The following ATF3 variants were observed in gnomAD, a reference collection of about 807,000 sequenced individuals.
ATF3 encodes cyclic AMP-dependent transcription factor ATF-3.
In ATF3, 10 loss-of-function variants were observed where a neutral mutation model predicts 18.4. The ratio of observed to expected loss-of-function variants is 0.54; its 90% CI spans 0.34 to 0.92. The LOEUF is 0.92. ATF3 is among the 40% of genes least tolerant of loss of function. ATF3 has a pLI of 0.02. For missense variants in ATF3, 183 were observed against 222.3 expected (o/e 0.82, Z 1.12); for synonymous variants, 78 against 87.9 (o/e 0.89, Z 0.63).
At chr1:212,577,804 C>A (rs1185267671) in intron 1 of ATF3, among the ~76,000 whole-genome samples, 1 of 152,188 alleles carries the variant, frequency 6.6e-6, no homozygotes, top group South Asian at 2.1e-4. Flanking sequence ...ACATATACCA[C>A]ATTTTCTCTA....
chr1:212,590,686 T>C (rs768488628), intron 1 of ATF3, among the ~76,000 whole-genome samples: 1 of 152,232 alleles, frequency 6.6e-6, no homozygotes, highest in Non-Finnish European at 1.5e-5. Context: ...TAAATGCGGA[T>C]ACTCATTTTG....
In ATF3 at chr1:212,569,760, T is replaced by C. The variant is rs1664446947; in HGVS notation, c.-5+4277T>C. On this transcript the variant is annotated intron_variant, in intron 1 of 3. Transcript: ENST00000366981. ...TAGTTTACCTTACTAATACTCTATG[T>C]TAAACATTTGGGTAATATCTGATTC... Among the ~76,000 whole-genome samples, 5 of 152,182 alleles carry C rather than the reference T, an allele frequency of 3.3e-5. No individual in the cohort carries two copies. In the South Asian group the frequency reaches 1.0e-3, roughly 32 times the overall value.
rs553197681 is a variant in ATF3 at position 212,584,554 on chromosome 1, T to C, written c.-5+19071T>C. Among the ~76,000 whole-genome samples, 49 of 152,238 alleles carry C rather than the reference T, an allele frequency of 3.2e-4. 1 individual carries two copies. The South Asian group carries it at 9.7e-3, about 30-fold the overall frequency. On this transcript the variant is annotated intron_variant, in intron 1 of 3. Transcript: ENST00000366981. ...TACCTTTTACTCAGCCTTTTTGCTG[T>C]CTTCAGGACTTCAGACAACTGGATG... is the stretch of plus-strand genomic sequence containing the variant.
At chr1:212,593,478 T>C (rs1228449954) in intron 1 of ATF3, among the ~76,000 whole-genome samples, 1 of 151,962 alleles carries the variant, frequency 6.6e-6, no homozygotes, top group Non-Finnish European at 1.5e-5. Flanking sequence ...CTCATACCTG[T>C]AACCATAGCA....
At chr1:212,604,267 TC>T (rs1654563839), upstream of ATF3, among the ~76,000 whole-genome samples, 1 of 152,304 alleles carries the variant, frequency 6.6e-6, no homozygotes, top group South Asian at 2.1e-4. Context: ...TGTGGATGAA[TC>T]CCCGGTCTCC....
rs57512671 is a variant in ATF3 at position 212,576,721 on chromosome 1, C to CTTTTTTTTTTTTTTTTTT, written c.-5+11245_-5+11262dup. Among the ~76,000 whole-genome samples the CTTTTTTTTTTTTTTTTTT allele has an allele frequency of 5.6e-4, 32 of 57,304 alleles. 2 individuals carry two copies. Among genetic ancestry groups the CTTTTTTTTTTTTTTTTTT allele is most frequent in the African/African-American group, 1.2e-3 (16 of 12,994 alleles). The allele number at this position is 57,304 out of a possible 152,430, so 37.6% of individuals were successfully genotyped here. ...AAAAAATATTCTTTTCTTTTCTTTT[C>CTTTTTTTTTTTTTTTTTT]TTTTTTTTTTTTTTTTTTTTTTTTG... On this transcript the variant is annotated intron_variant, in intron 1 of 3. Coordinates refer to the ATF3 transcript ENST00000366981.
At chr1:212,582,237 AC>A (rs773789960) in intron 1 of ATF3, among the ~76,000 whole-genome samples, 1 of 152,206 alleles carries the variant, frequency 6.6e-6, no homozygotes, top group Non-Finnish European at 1.5e-5. Context: ...TTATCTGGCA[AC>A]CCTTCCCACC....
chr1:212,599,196 C>T (rs1274729628), intron 1 of ATF3, among the ~76,000 whole-genome samples: 3 of 152,202 alleles, frequency 2.0e-5, no homozygotes, highest in African/African-American at 7.2e-5. Context: ...TTAAAACCCA[C>T]ATTATCTCTA....
intron 1 of ATF3, among the ~76,000 whole-genome samples, chr1:212,591,329 T>G (rs1470727473): frequency 6.6e-6 from 1 of 152,222 alleles, no homozygotes; most frequent in Non-Finnish European, 1.5e-5. Flanking sequence ...ATTCAACAAC[T>G]GCCACCAGGC....
chr1:212,569,565 G>A (rs1664443730), intron 1 of ATF3, among the ~76,000 whole-genome samples: 1 of 152,068 alleles, frequency 6.6e-6, no homozygotes, highest in Non-Finnish European at 1.5e-5. Flanking sequence ...AGACGCAGGG[G>A]AAAGAGCTAG....
intron 1 of ATF3, among the ~76,000 whole-genome samples, chr1:212,597,862 C>T (rs1265200991): frequency 6.6e-6 from 1 of 152,318 alleles, no homozygotes; most frequent in East Asian, 1.9e-4. Flanking sequence ...ATTCATCATT[C>T]CATCTCCTAC....
At chr1:212,615,998 A>G (rs990803849) in intron 2 of ATF3, among the ~76,000 whole-genome samples, 1 of 151,740 alleles carries the variant, frequency 6.6e-6, no homozygotes, top group Non-Finnish European at 1.5e-5. Flanking sequence ...GGATTCACTG[A>G]TAGTGACTTT....
intron 1 of ATF3, among the ~76,000 whole-genome samples, chr1:212,566,532 G>A (rs908128538): frequency 6.6e-6 from 1 of 152,184 alleles, no homozygotes; most frequent in African/African-American, 2.4e-5. Context: ...AAGGCAGGCT[G>A]AGGGGTGATG....
At chr1:212,604,204 T>C (rs533387350), upstream of ATF3, among the ~76,000 whole-genome samples, 2 of 152,322 alleles carry the variant, frequency 1.3e-5, no homozygotes, top group South Asian at 2.1e-4. Flanking sequence ...ACTGGGAAAC[T>C]GAGACATCGT....
chr1:212,611,654 C>CG (rs1654898280), intron 1 of ATF3, among the ~76,000 whole-genome samples: 37 of 152,046 alleles, frequency 2.4e-4, no homozygotes, highest in Admixed American at 2.4e-3. Context: ...TTCCTAGTAA[C>CG]ATAAGATGGT....
rs566684850 is a variant in ATF3, at chr1:212,620,242, C to T, written c.*687C>T. Reference sequence around the variant, plus strand: ...GTCAGCAAGAGGAGGACAGAATTCTCCCAGCGTTAACACAAAATCCATGGG... The same window carrying T: ...GTCAGCAAGAGGAGGACAGAATTCTTCCAGCGTTAACACAAAATCCATGGG... On this transcript the variant is annotated 3_prime_UTR_variant, in exon 4 of 4. Transcript: ENST00000341491. The T allele has an allele frequency of 6.5e-6, 1 of 153,730 alleles. No individual in the cohort carries two copies. Among genetic ancestry groups the T allele is most frequent in the Admixed American group, 6.5e-5 (1 of 15,460 alleles). The allele number at this position is 153,730 out of a possible 1,614,324, so 9.5% of individuals were successfully genotyped here. A position where few individuals can be genotyped will look rare whatever the true frequency, so the allele number is the denominator to read the frequency against.
chr1:212,605,849 T>C (rs1199557047), upstream of ATF3, among the ~76,000 whole-genome samples: 20 of 152,266 alleles, frequency 1.3e-4, no homozygotes, highest in Admixed American at 1.3e-3. Flanking sequence ...TTCACCATCA[T>C]AAAACCTCAG....
intron 1 of ATF3, among the ~76,000 whole-genome samples, chr1:212,599,866 A>G (rs1269944686): frequency 5.3e-5 from 8 of 152,078 alleles, no homozygotes; most frequent in Admixed American, 5.2e-4. Flanking sequence ...TGTTCTCCTT[A>G]CCAGCCCTGC....
At chr1:212,591,070 C>T (rs78515029) in intron 1 of ATF3, among the ~76,000 whole-genome samples, 11,497 of 152,282 alleles carry the variant, frequency 0.075, 499 homozygotes, top group Middle Eastern at 0.13. Context: ...CGCCTCTTCC[C>T]CTGTATCCTG....
Sources: gnomAD v4.1 joint callset for allele counts (sites outside exome capture counted in the v4.1 genomes callset) on GRCh38, gnomAD v4.1.1 for gene constraint, MANE v1.5 for transcripts, NCBI Gene and HGNC (gene_info 2026-07-23, HGNC 2026-07-21) for gene names.